Variants in ABHD12 observed in about 807,000 individuals in gnomAD.
The protein encoded by ABHD12 is abhydrolase domain containing 12, lysophospholipase.
A neutral mutation model predicts 58.3 loss-of-function variants in ABHD12; 43 were observed. The ratio of observed to expected loss-of-function variants is 0.74; its 90% CI spans 0.58 to 0.95. ABHD12 has a LOEUF of 0.95. Ranked by LOEUF, ABHD12 falls within the 40% of genes least tolerant of loss-of-function variation. ABHD12 has a pLI of 0.00. For missense variants in ABHD12, 539 were observed against 537.2 expected (o/e 1.00, Z -0.03); for synonymous variants, 219 against 211.2 (o/e 1.04, Z -0.32).
intron 1 of ABHD12, among the ~76,000 whole-genome samples, chr20:25,357,410 G>C (rs938086232): frequency 6.6e-6 from 1 of 152,214 alleles, no homozygotes; most frequent in African/African-American, 2.4e-5. Flanking sequence ...CGTAGCTCTT[G>C]TTGTCAATAC....
intron 1 of ABHD12, among the ~76,000 whole-genome samples, chr20:25,369,587 A>G (rs4815411): frequency 0.54 from 82,255 of 151,960 alleles, 22,849 homozygotes; most frequent in Admixed American, 0.61. Flanking sequence ...CTGCCTACCG[A>G]AGTGACACGT....
intron 1 of ABHD12, among the ~76,000 whole-genome samples, chr20:25,386,362 C>T (rs575241148): frequency 6.6e-6 from 1 of 150,442 alleles, no homozygotes; most frequent in South Asian, 2.1e-4. Flanking sequence ...GGATTCATGC[C>T]ATTCTCCTAC....
At chr20:25,361,315 T>G (rs1449255733) in intron 1 of ABHD12, among the ~76,000 whole-genome samples, 1 of 152,272 alleles carries the variant, frequency 6.6e-6, no homozygotes, top group East Asian at 1.9e-4. Flanking sequence ...TGTTCTCATC[T>G]AAAAACAAAC....
chr20:25,351,644 C>A lies in ABHD12; in HGVS notation c.192-12293G>T, dbSNP rs558487917. Among the ~76,000 whole-genome samples, 4 of 152,300 alleles carry A rather than the reference C, an allele frequency of 2.6e-5. No homozygotes were observed. In the South Asian group the frequency reaches 8.3e-4, roughly 32 times the overall value. On this transcript the variant is annotated intron_variant, in intron 1 of 12. Coordinates refer to ENST00000339157, the MANE Select transcript of ABHD12 (RefSeq NM_001042472.3). ...ATCATTTAAAATAAACTGGACAGCA[C>A]GGTGGTTCGCCTATAATCCCAGCAC... is the stretch of plus-strand genomic sequence containing the variant.
chr20:25,361,954 C>G (rs1297447548), intron 1 of ABHD12, among the ~76,000 whole-genome samples: 1 of 149,758 alleles, frequency 6.7e-6, no homozygotes, highest in East Asian at 2.0e-4. Flanking sequence ...CACTCCGTCT[C>G]AAAACACACA....
chr20:25,366,852 T>C (rs1259764044), intron 1 of ABHD12, among the ~76,000 whole-genome samples: 1 of 152,210 alleles, frequency 6.6e-6, no homozygotes, highest in Non-Finnish European at 1.5e-5. Context: ...GGAATCTCTG[T>C]CCTGTCACAC....
At chr20:25,314,644 A>C (rs2088926104) in intron 6 of ABHD12, among the ~76,000 whole-genome samples, 1 of 150,814 alleles carries the variant, frequency 6.6e-6, no homozygotes, top group African/African-American at 2.4e-5. Flanking sequence ...ATGCTACTGT[A>C]CTCCAGGTTG....
downstream of ABHD12, chr20:25,295,677 C>T (rs1421374598): frequency 1.2e-6 from 2 of 1,611,648 alleles, no homozygotes; most frequent in Non-Finnish European, 1.7e-6. Flanking sequence ...CCGGGTGAGG[C>T]TCCTGGGTCC....
intron 2 of ABHD12, among the ~76,000 whole-genome samples, chr20:25,329,952 G>C (rs1034273379): frequency 6.6e-6 from 1 of 152,222 alleles, no homozygotes; most frequent in Admixed American, 6.5e-5. Flanking sequence ...ATTGTGTTGA[G>C]GGAGGAGCCA....
chr20:25,298,388 C>G (rs1366572673), downstream of ABHD12, among the ~76,000 whole-genome samples: 8 of 152,322 alleles, frequency 5.3e-5, no homozygotes, highest in African/African-American at 1.9e-4. Flanking sequence ...GCCTCAGCCT[C>G]CCGAGTAGCT....
intron 1 of ABHD12, among the ~76,000 whole-genome samples, chr20:25,346,570 G>A (rs540421235): frequency 8.5e-5 from 13 of 152,256 alleles, no homozygotes; most frequent in African/African-American, 1.4e-4. Context: ...TGGTAGGGGC[G>A]GGGCAGGAGT....
intron 1 of ABHD12, among the ~76,000 whole-genome samples, chr20:25,343,049 C>A (rs1397267765): frequency 6.6e-6 from 1 of 152,204 alleles, no homozygotes; most frequent in African/African-American, 2.4e-5. Context: ...CCTACCTTGG[C>A]CTCCCAAAGT....
At chr20:25,303,448 T>C (rs1253678405) in intron 11 of ABHD12, 102 bp downstream of exon 11, 2 of 1,550,346 alleles carry the variant, frequency 1.3e-6, no homozygotes, top group South Asian at 2.3e-5. Context: ...TGATGCAGCA[T>C]GCAGGGGCTG....
At chr20:25,312,460 C>T (rs968557976) in intron 6 of ABHD12, among the ~76,000 whole-genome samples, 8 of 103,790 alleles carry the variant, frequency 7.7e-5, no homozygotes, top group Non-Finnish European at 1.3e-4. Context: ...GGATTGCAGA[C>T]GGAGTCTCGT....
In ABHD12 at chr20:25,344,138, A is replaced by ATT. The variant is rs2089488938; in HGVS notation, c.192-4788_192-4787insAA. 1.3e-5 allele frequency among the ~76,000 whole-genome samples: 2 copies of ATT among 152,240 alleles called. 1 individual carries two copies. Among genetic ancestry groups the ATT allele is most frequent in the Admixed American group, 1.3e-4 (2 of 15,284 alleles). On this transcript the variant is annotated intron_variant, in intron 1 of 12. Transcript: ENST00000339157. ...ACTTCCTCAACTTGATAATATCTAC[A>ATT]AAAAACAGTTAACATCTTACTTAAT...
chr20:25,323,385 C>T lies in ABHD12; in HGVS notation c.362G>A (p.Gly121Asp), dbSNP rs1239867385. 2 of 1,613,954 alleles carry T rather than the reference C, an allele frequency of 1.2e-6. No homozygotes were observed. The highest frequency in any genetic ancestry group is 1.3e-5 in the African/African-American group (1 of 74,916). The change falls in exon 3 of 13, where the codon GGT (glycine) becomes GAT (aspartate). Residue 121 changes from glycine (G) to aspartate (D), a missense_variant. Coordinates refer to ENST00000339157, the MANE Select transcript of ABHD12 (RefSeq NM_001042472.3). ...FIDLKKPQDQ[G>D]LNHTCNYYLQ... The stretch of plus-strand genomic sequence containing the variant: ...GTAGTAGTTACACGTGTGATTCAAA[C>T]CTTGATCCTGTGGTTTTTTCAAATC...
At chr20:25,370,157 C>T (rs2089882007) in intron 1 of ABHD12, among the ~76,000 whole-genome samples, 1 of 152,174 alleles carries the variant, frequency 6.6e-6, no homozygotes, top group Non-Finnish European at 1.5e-5. Context: ...GGGGCGCTGA[C>T]TGTGGGGGGT....
At chr20:25,318,208 G>A (rs966664978) in intron 4 of ABHD12, among the ~76,000 whole-genome samples, 5 of 152,150 alleles carry the variant, frequency 3.3e-5, no homozygotes, top group Admixed American at 2.0e-4. Context: ...CCAGCTACTC[G>A]GGAGACCGAG....
intron 8 of ABHD12, 45 bp downstream of exon 8, chr20:25,308,412 C>A: frequency 5.6e-6 from 9 of 1,601,136 alleles, no homozygotes; most frequent in Non-Finnish European, 7.7e-6. Flanking sequence ...CTGGGGAGCA[C>A]CCTGAATGCT....
Sources: allele counts gnomAD v4.1 joint callset (sites outside exome capture counted in the v4.1 genomes callset), GRCh38; gene constraint gnomAD v4.1.1; transcripts MANE v1.5; gene names NCBI Gene and HGNC (gene_info 2026-07-23, HGNC 2026-07-21).